NEMF: variants seen among roughly 807,000 people sequenced by gnomAD.
NEMF encodes the protein nuclear export mediator factor, also known as ribosome quality control complex subunit NEMF.
Under a neutral mutation model 162.2 loss-of-function variants are expected in NEMF, and 89 were observed. That is an observed-to-expected ratio of 0.55 (90% CI 0.46 to 0.65). The LOEUF is 0.65. NEMF is among the 30% of genes least tolerant of loss of function. NEMF has a pLI of 0.00. For synonymous variants in NEMF, 421 were observed against 404.5 expected (o/e 1.04, Z -0.49); for missense variants, 1,133 against 1,261.9 (o/e 0.90, Z 1.55).
intron 25 of NEMF, among the ~76,000 whole-genome samples, chr14:49,797,211 A>T (rs1198232387): frequency 2.0e-5 from 3 of 152,006 alleles, no homozygotes; most frequent in African/African-American, 7.2e-5. Context: ...TTTATTGTCC[A>T]TTCTGTTCTA....
intron 2 of NEMF, 22 bp from the exon 3 acceptor site, chr14:49,851,687 T>C: frequency 6.2e-7 from 1 of 1,601,722 alleles, no homozygotes; most frequent in Non-Finnish European, 8.6e-7. Context: ...AAAAGTCGAA[T>C]TTTTCTTTAG....
chr14:49,837,222 G>GC (rs1441872769), intron 6 of NEMF, among the ~76,000 whole-genome samples: 1 of 152,220 alleles, frequency 6.6e-6, no homozygotes. Context: ...GTTGCAGTGA[G>GC]CTGAGACTGC....
intron 16 of NEMF, among the ~76,000 whole-genome samples, chr14:49,825,176 G>A (rs2139949777): frequency 6.6e-6 from 1 of 152,254 alleles, no homozygotes; most frequent in East Asian, 1.9e-4. Context: ...TAAATTATAT[G>A]ACTACAATTT....
intron 5 of NEMF, chr14:49,839,401 T>C (rs1358125276): frequency 2.0e-5 from 3 of 152,120 alleles, no homozygotes; most frequent in Admixed American, 2.0e-4. Context: ...ATTTATTTAA[T>C]GTAGACTAGT....
chr14:49,785,516 C>A, intron 29 of NEMF, 196 bp from the exon 30 acceptor site: 1 of 521,672 alleles, frequency 1.9e-6, no homozygotes. Flanking sequence ...ATATTCTTTA[C>A]TACTTAATTT....
chr14:49,790,044 T>C (rs1158495343), intron 26 of NEMF, among the ~76,000 whole-genome samples: 2 of 152,170 alleles, frequency 1.3e-5, no homozygotes, highest in Non-Finnish European at 2.9e-5. Flanking sequence ...CCCAAATCAC[T>C]CTAGGGGTTT....
At chr14:49,802,763 C>A in intron 20 of NEMF, 36 bp from the exon 21 acceptor site, 2 of 1,515,500 alleles carry the variant, frequency 1.3e-6, no homozygotes, top group South Asian at 2.4e-5. Context: ...CTTTGAAAAT[C>A]AGTCTTCTCC....
At chr14:49,838,272 A>T in intron 5 of NEMF, 66 bp from the exon 6 acceptor site, 1 of 1,271,400 alleles carries the variant, frequency 7.9e-7, no homozygotes, top group South Asian at 1.2e-5. Flanking sequence ...CTTCATATTA[A>T]TACTACTTTC....
At chr14:49,785,407 A>T in intron 29 of NEMF, 87 bp from the exon 30 acceptor site, 9 of 868,750 alleles carry the variant, frequency 1.0e-5, no homozygotes, top group Non-Finnish European at 1.7e-5. Flanking sequence ...ATCTCAACAT[A>T]TTTTTTATCT....
chr14:49,808,660 T>C (rs1891331514), intron 18 of NEMF, among the ~76,000 whole-genome samples: 1 of 151,598 alleles, frequency 6.6e-6, no homozygotes, highest in Non-Finnish European at 1.5e-5. Context: ...AAGTTAATTT[T>C]TATAAATGGT....
At chr14:49,846,084 T>C in intron 4 of NEMF, 56 bp downstream of exon 4, 1 of 1,527,780 alleles carries the variant, frequency 6.5e-7, no homozygotes. Flanking sequence ...TATAGCACTA[T>C]TACAAAATGA....
intron 16 of NEMF, among the ~76,000 whole-genome samples, chr14:49,823,566 T>TA (rs1180770679): frequency 6.6e-6 from 1 of 151,962 alleles, no homozygotes; most frequent in African/African-American, 2.4e-5. Flanking sequence ...AGCAAAACGA[T>TA]AGACTTGAAA....
chr14:49,826,081 AAC>A (rs370441618), intron 15 of NEMF, 126 bp from the exon 16 acceptor site: 1,986 of 540,942 alleles, frequency 3.7e-3, no homozygotes, highest in South Asian at 4.6e-3. Context: ...CACACACACA[AAC>A]ACACACACAC....
chr14:49,790,833 T>C (rs1890406209), intron 26 of NEMF, among the ~76,000 whole-genome samples: 1 of 151,720 alleles, frequency 6.6e-6, no homozygotes, highest in Non-Finnish European at 1.5e-5. Context: ...CTACCAAAAA[T>C]ACAAACAAAA....
intron 6 of NEMF, among the ~76,000 whole-genome samples, chr14:49,836,186 A>G (rs1389827775): frequency 6.6e-6 from 1 of 151,946 alleles, no homozygotes; most frequent in Non-Finnish European, 1.5e-5. Flanking sequence ...GGCTGAGGCA[A>G]GACAATCACT....
rs756728555 is a variant in NEMF at position 49,782,495 on chromosome 14, T to C, written c.*2141A>G. ...CCTTCACATTATTACTGAAACTTAC[T>C]TGCAAAGCATTTGCTTTTAAATGTG... On this transcript the variant is annotated 3_prime_UTR_variant, in exon 33 of 33. Transcript: ENST00000298310. 6.3e-7 allele frequency: 1 copy of C among 1,596,012 alleles called. No individual in the cohort carries two copies. Among genetic ancestry groups the C allele is most frequent in the Non-Finnish European group, 8.6e-7 (1 of 1,166,438 alleles).
chr14:49,838,564 G>A (rs113343039), intron 5 of NEMF, among the ~76,000 whole-genome samples: 1 of 149,830 alleles, frequency 6.7e-6, no homozygotes, highest in South Asian at 2.1e-4. Context: ...ATTAAGCATC[G>A]AACAACTTTT....
At chr14:49,847,938 A>G (rs1002020291) in intron 3 of NEMF, among the ~76,000 whole-genome samples, 2 of 151,832 alleles carry the variant, frequency 1.3e-5, no homozygotes, top group African/African-American at 2.4e-5. Context: ...AGGCTGAGGC[A>G]AAAGAATCGC....
At chr14:49,846,004 G>C in intron 4 of NEMF, 136 bp downstream of exon 4, 3 of 650,202 alleles carry the variant, frequency 4.6e-6, no homozygotes, top group Non-Finnish European at 7.6e-6. Flanking sequence ...TATTTTATTT[G>C]TGTGGCACCC....
Sources: gnomAD v4.1 joint callset for allele counts (sites outside exome capture counted in the v4.1 genomes callset) on GRCh38, gnomAD v4.1.1 for gene constraint, MANE v1.5 for transcripts, NCBI Gene and HGNC (gene_info 2026-07-23, HGNC 2026-07-21) for gene names.